ECSIT: variants seen among roughly 807,000 people sequenced by gnomAD.
ECSIT encodes the protein evolutionarily conserved signaling intermediate in Toll pathway, mitochondrial.
A neutral mutation model predicts 36.8 loss-of-function variants in ECSIT; 29 were observed. That is an observed-to-expected ratio of 0.79 (90% confidence interval 0.59 to 1.08). The LOEUF is 1.08. Ranked by LOEUF, ECSIT falls within the 50% of genes least tolerant of loss-of-function variation. ECSIT has a pLI of 0.00. For missense variants in ECSIT, 542 were observed against 581.0 expected (o/e 0.93, Z 0.69); for synonymous variants, 231 against 234.8 (o/e 0.98, Z 0.15).
Position 11,507,757 on chromosome 19 carries a change from T to C in ECSIT, c.890A>G (p.Asn297Ser), listed in dbSNP as rs1211497782. ...VEGPFSLWLR[N>S]KCVYYHILRA... The stretch of plus-strand genomic sequence containing the variant: ...GAGGATGTGGTAATACACACACTTG[T>C]TGCGGAGCCACAGGGAGAAGGGGCC... The change falls in exon 6 of 8, where the codon AAC becomes AGC. Residue 297 changes from asparagine to serine, a missense_variant. Coordinates refer to ENST00000270517, the MANE Select transcript of ECSIT (RefSeq NM_016581.5). The C allele has an allele frequency of 6.2e-7, 1 of 1,614,124 alleles. No individual in the cohort carries two copies. Among genetic ancestry groups the C allele is most frequent in the Non-Finnish European group, 8.5e-7 (1 of 1,180,044 alleles).
At chr19:11,516,692 C>T (rs1190460615) in intron 2 of ECSIT, among the ~76,000 whole-genome samples, 1 of 150,116 alleles carries the variant, frequency 6.7e-6, no homozygotes, top group East Asian at 2.0e-4. Flanking sequence ...TCTACACACA[C>T]ACACACACAC....
At chr19:11,517,754 G>A (rs886953332) in intron 2 of ECSIT, among the ~76,000 whole-genome samples, 6 of 152,028 alleles carry the variant, frequency 3.9e-5, no homozygotes, top group Non-Finnish European at 7.4e-5. Context: ...GTGCGGGGCC[G>A]GGCACAGAGT....
chr19:11,525,473 A>G (rs1003557807), intron 1 of ECSIT, among the ~76,000 whole-genome samples: 1 of 151,902 alleles, frequency 6.6e-6, no homozygotes, highest in Non-Finnish European at 1.5e-5. Flanking sequence ...AGTTCATGCC[A>G]CACACTCCAG....
At chr19:11,508,876 C>T (rs1285775845) in intron 4 of ECSIT, among the ~76,000 whole-genome samples, 1 of 151,800 alleles carries the variant, frequency 6.6e-6, no homozygotes, top group Non-Finnish European at 1.5e-5. Flanking sequence ...TAGCACAGTC[C>T]CTGGCAAATA....
chr19:11,508,164 G>C, intron 4 of ECSIT, 116 bp from the exon 5 acceptor site: 2 of 1,263,516 alleles, frequency 1.6e-6, no homozygotes, highest in South Asian at 2.4e-5. Flanking sequence ...CCTGGATCTG[G>C]TACACGGCCC....
At chr19:11,514,359 G>T in intron 2 of ECSIT, 138 bp from the exon 3 acceptor site, 1 of 805,914 alleles carries the variant, frequency 1.2e-6, no homozygotes, top group Non-Finnish European at 1.9e-6. Context: ...ACAAACCCAA[G>T]ATTCGAGGCC....
intron 7 of ECSIT, 128 bp from the exon 8 acceptor site, chr19:11,506,556 ACGGAGT>A (rs1477812138): frequency 2.4e-4 from 237 of 984,678 alleles, no homozygotes; most frequent in Non-Finnish European, 2.9e-4. Flanking sequence ...TTTTTTTGAG[ACGGAGT>A]CTCGCTGTGT....
rs775578719 is a variant in ECSIT at position 11,513,234 on chromosome 19, A to G, written c.560T>C (p.Phe187Ser). The change falls in exon 4 of 8, where the codon TTT becomes TCT. Residue 187 changes from phenylalanine to serine, a missense_variant. Phe to Ser is a radical substitution (Grantham distance 155). Coordinates refer to ENST00000270517, the MANE Select transcript of ECSIT (RefSeq NM_016581.5). ...KETEFLLIQI[F>S]GRKSYPMLKL... The stretch of plus-strand genomic sequence containing the variant: ...GAGCATGGGGTAGCTTTTGCGTCCA[A>G]AGATCTGAATCAGCAGGAACTCCGT... 6.2e-7 allele frequency: 1 copy of G among 1,614,070 alleles called. No individual in the cohort carries two copies. Among genetic ancestry groups the G allele is most frequent in the Non-Finnish European group, 8.5e-7 (1 of 1,180,024 alleles).
intron 2 of ECSIT, among the ~76,000 whole-genome samples, chr19:11,514,813 G>A (rs536609613): frequency 6.7e-4 from 101 of 151,528 alleles, no homozygotes; most frequent in African/African-American, 2.3e-3. Context: ...ATGAGCCACT[G>A]TGCCTGGTGG....
At chr19:11,510,577 T>C (rs956936469) in intron 4 of ECSIT, 1 of 148,322 alleles carries the variant, frequency 6.7e-6, no homozygotes, top group African/African-American at 2.5e-5. Context: ...TGCTTGCAAA[T>C]GTATAGAACC....
chr19:11,508,609 AT>A (rs1971807781), intron 4 of ECSIT, among the ~76,000 whole-genome samples: 1 of 151,980 alleles, frequency 6.6e-6, no homozygotes, highest in Non-Finnish European at 1.5e-5. Flanking sequence ...CTGGAGTGCA[AT>A]GGCATGATCT....
At position 11,513,228 on chromosome 19, in the gene ECSIT, C is replaced by T. The variant is rs746082835; in HGVS notation, c.566G>A (p.Arg189His). The T allele has an allele frequency of 6.2e-6, 10 of 1,613,890 alleles. No homozygotes were observed. In the East Asian group the frequency reaches 8.9e-5, roughly 14 times the overall value. ...TEFLLIQIFG[R>H]KSYPMLKLVR... ...CAACTTGAGCATGGGGTAGCTTTTG[C>T]GTCCAAAGATCTGAATCAGCAGGAA... The change falls in exon 4 of 8, where the codon CGC becomes CAC. Residue 189 changes from arginine to histidine, a missense_variant. By Grantham distance (29) the Arg-to-His change is conservative. Coordinates refer to ENST00000270517, the MANE Select transcript of ECSIT (RefSeq NM_016581.5).
At position 11,513,088 on chromosome 19, in the gene ECSIT, G is replaced by C. The variant is rs1261050124; in HGVS notation, c.706C>G (p.Pro236Ala). 6.2e-7 allele frequency: 1 copy of C among 1,614,082 alleles called. No individual in the cohort carries two copies. The highest frequency in any genetic ancestry group is 1.3e-5 in the African/African-American group (1 of 74,950). Residue 236 changes from proline to alanine, a missense_variant, in exon 4 of 8, where the codon CCT becomes GCT. Coordinates refer to ENST00000270517, the MANE Select transcript of ECSIT (RefSeq NM_016581.5). ...ATGGTGACCCTGGCACTAAGGTCAG[G>C]CTCCATGTGCCGCAGGCCAAACATG... ...LAMFGLRHME[P>A]DLSARVTIYQ...
In ECSIT at chr19:11,508,053, A is replaced by G; in HGVS notation, c.739-5T>C. On this transcript the variant is annotated splice_region_variant and splice_polypyrimidine_tract_variant and intron_variant, in intron 4 of 7. Coordinates refer to ENST00000270517, the MANE Select transcript of ECSIT (RefSeq NM_016581.5). ...TGAGTCTTTGGGCAAAGGAACCTGC[A>G]AGGGAGAGTAGGGATATAATCTTGT... The G allele has an allele frequency of 1.2e-6, 2 of 1,614,056 alleles. No individual in the cohort carries two copies. The highest frequency in any genetic ancestry group is 1.7e-6 in the Non-Finnish European group (2 of 1,179,974).
At chr19:11,508,382 G>GGTTTTTTTTTTTTTTTTTTTT (rs1418652426) in intron 4 of ECSIT, among the ~76,000 whole-genome samples, 2 of 115,816 alleles carry the variant, frequency 1.7e-5, no homozygotes, top group Non-Finnish European at 3.2e-5. Context: ...ACTTAATTCC[G>GGTTTTTTTTTTTTTTTTTTTT]ATTTTTTTTT....
chr19:11,518,383 C>T (rs1226495444), intron 2 of ECSIT, among the ~76,000 whole-genome samples: 3 of 151,764 alleles, frequency 2.0e-5, no homozygotes, highest in South Asian at 4.2e-4. Context: ...GCCAAGACCA[C>T]GCCACTGCAC....
At chr19:11,521,318 T>A (rs1227433928) in intron 1 of ECSIT, among the ~76,000 whole-genome samples, 1 of 152,186 alleles carries the variant, frequency 6.6e-6, no homozygotes, top group Non-Finnish European at 1.5e-5. Flanking sequence ...AGACATATGG[T>A]AACTACATGT....
At chr19:11,510,993 T>G (rs546273180) in intron 4 of ECSIT, among the ~76,000 whole-genome samples, 16 of 149,678 alleles carry the variant, frequency 1.1e-4, no homozygotes, top group Admixed American at 1.1e-3. Context: ...GATCAAGCTC[T>G]TTAATCAGGT....
At position 11,505,952 on chromosome 19, in the gene ECSIT, G is replaced by A. The variant is rs575091457; in HGVS notation, c.*232C>T. The A allele has an allele frequency of 7.6e-5, 69 of 909,774 alleles. No individual in the cohort carries two copies. Among genetic ancestry groups the A allele is most frequent in the South Asian group, 1.6e-4 (9 of 54,970 alleles). 56.4% of individuals were successfully genotyped at this position (909,774 alleles called of 1,614,324 possible). A position where few individuals can be genotyped will look rare whatever the true frequency, so the allele number is the denominator to read the frequency against. On this transcript the variant is annotated 3_prime_UTR_variant, in exon 8 of 8. Coordinates refer to ENST00000270517, the MANE Select transcript of ECSIT (RefSeq NM_016581.5). ...CATGCGCACAACCAACAGCGCTCCC[G>A]CCCCTTTTTATTTGAATTCGGAGAA...
Sources: allele counts gnomAD v4.1 joint callset (sites outside exome capture counted in the v4.1 genomes callset), GRCh38; gene constraint gnomAD v4.1.1; transcripts MANE v1.5; gene names NCBI Gene and HGNC (gene_info 2026-07-23, HGNC 2026-07-21).